Variants in SGCZ observed in about 807,000 individuals in gnomAD.
The protein encoded by SGCZ is sarcoglycan zeta.
Under a neutral mutation model 41.3 loss-of-function variants are expected in SGCZ, and 40 were observed. The observed-to-expected ratio is 0.97, with a 90% CI of 0.75 to 1.26. SGCZ has a LOEUF of 1.26. Ranked by LOEUF, SGCZ falls within the 50% of genes most tolerant of loss-of-function variation. The probability of loss-of-function intolerance (pLI) is 0.00; values close to 1 mark genes in which losing one functional copy is unlikely to be tolerated. For missense variants in SGCZ, 552 were observed against 369.8 expected, an observed-to-expected ratio of 1.49 and a Z score of -4.04; for synonymous variants, 206 against 137.5, an observed-to-expected ratio of 1.50 and a Z score of -3.49.
chr8:14,694,868 T>C (rs1043900321), intron 1 of SGCZ, among the ~76,000 whole-genome samples: 1 of 152,162 alleles, frequency 6.6e-6, no homozygotes, highest in African/African-American at 2.4e-5. Context: ...GTAGTTTGTG[T>C]CTTCAAAAAT....
intron 1 of SGCZ, among the ~76,000 whole-genome samples, chr8:15,122,481 T>A (rs539855140): frequency 1.3e-5 from 2 of 152,288 alleles, no homozygotes; most frequent in East Asian, 3.9e-4. Context: ...TAGGTCATCT[T>A]TCCAGGTACA....
intron 4 of SGCZ, among the ~76,000 whole-genome samples, chr8:14,182,533 C>T (rs1031077279): frequency 2.0e-5 from 3 of 152,154 alleles, no homozygotes; most frequent in Non-Finnish European, 4.4e-5. Context: ...CCAACTCATT[C>T]TTTGGTCTCT....
intron 1 of SGCZ, among the ~76,000 whole-genome samples, chr8:14,852,908 CAT>C (rs1235308889): frequency 6.6e-6 from 1 of 152,164 alleles, no homozygotes; most frequent in African/African-American, 2.4e-5. Flanking sequence ...CTCCTAAACA[CAT>C]ATGTTACTAT....
At chr8:14,211,062 C>T (rs559337278) in intron 4 of SGCZ, among the ~76,000 whole-genome samples, 1 of 152,194 alleles carries the variant, frequency 6.6e-6, no homozygotes, top group Admixed American at 6.5e-5. Flanking sequence ...TGCTAGTAAT[C>T]CATTTATCGT....
intron 7 of SGCZ, among the ~76,000 whole-genome samples, chr8:14,100,954 G>T (rs7007117): frequency 1.3e-5 from 2 of 151,650 alleles, no homozygotes; most frequent in African/African-American, 2.4e-5. Flanking sequence ...AAACACCTAG[G>T]GAATGTATTG....
chr8:14,232,300 G>C (rs1042336556), intron 4 of SGCZ, among the ~76,000 whole-genome samples: 1 of 151,948 alleles, frequency 6.6e-6, no homozygotes, highest in Non-Finnish European at 1.5e-5. Flanking sequence ...AAGAAGGCAA[G>C]CACCTCAGAT....
chr8:14,437,676 G>A (rs114483040), intron 2 of SGCZ, among the ~76,000 whole-genome samples: 4,862 of 151,640 alleles, frequency 0.032, 158 homozygotes, highest in African/African-American at 0.081. Context: ...CTTCAAAAGG[G>A]ACCTGAGACC....
At chr8:14,619,386 C>T (rs973533771) in intron 1 of SGCZ, among the ~76,000 whole-genome samples, 1 of 152,140 alleles carries the variant, frequency 6.6e-6, no homozygotes, top group African/African-American at 2.4e-5. Context: ...GCACAAGACA[C>T]GGATGCCCTC....
intron 1 of SGCZ, among the ~76,000 whole-genome samples, chr8:14,927,326 G>T (rs969036045): frequency 6.6e-6 from 1 of 151,638 alleles, no homozygotes; most frequent in Non-Finnish European, 1.5e-5. Flanking sequence ...AGCCAGGATG[G>T]TGTCGATTTC....
At chr8:14,527,222 A>C (rs1802978226) in intron 2 of SGCZ, among the ~76,000 whole-genome samples, 1 of 152,202 alleles carries the variant, frequency 6.6e-6, no homozygotes, top group African/African-American at 2.4e-5. Flanking sequence ...AGCTTCAGTA[A>C]ATATGAAATT....
At chr8:14,851,144 C>T (rs1222756561) in intron 1 of SGCZ, among the ~76,000 whole-genome samples, 7 of 151,878 alleles carry the variant, frequency 4.6e-5, no homozygotes, top group East Asian at 1.9e-4. Flanking sequence ...CCAAGGCGGG[C>T]GGATCACGAG....
chr8:14,225,471 A>T (rs1248895362), intron 4 of SGCZ, among the ~76,000 whole-genome samples: 1 of 141,004 alleles, frequency 7.1e-6, no homozygotes, highest in African/African-American at 2.4e-5. Context: ...TAGTGTTTTT[A>T]AAATACCCAG....
chr8:15,016,707 C>T (rs1276254910), intron 1 of SGCZ, among the ~76,000 whole-genome samples: 1 of 151,978 alleles, frequency 6.6e-6, no homozygotes, highest in Non-Finnish European at 1.5e-5. Context: ...ATTGCTATAA[C>T]GAGGTATCTG....
intron 1 of SGCZ, among the ~76,000 whole-genome samples, chr8:14,925,774 GGACA>G (rs1168972772): frequency 2.6e-5 from 4 of 152,034 alleles, no homozygotes; most frequent in Non-Finnish European, 5.9e-5. Context: ...GACAGGAAAA[GGACA>G]GACAATCAAT....
At chr8:14,869,373 C>T (rs1157431416) in intron 1 of SGCZ, among the ~76,000 whole-genome samples, 10 of 152,064 alleles carry the variant, frequency 6.6e-5, no homozygotes, top group Non-Finnish European at 1.0e-4. Flanking sequence ...AAAAATCCTT[C>T]GATGAAATTC....
At chr8:14,923,605 G>A (rs1215984337) in intron 1 of SGCZ, among the ~76,000 whole-genome samples, 1 of 152,068 alleles carries the variant, frequency 6.6e-6, no homozygotes, top group Non-Finnish European at 1.5e-5. Context: ...CTACTTCACT[G>A]CATAAGGTAA....
At chr8:14,237,254 C>T (rs1050693268) in intron 4 of SGCZ, among the ~76,000 whole-genome samples, 1 of 151,990 alleles carries the variant, frequency 6.6e-6, no homozygotes, top group Non-Finnish European at 1.5e-5. Flanking sequence ...AGAGTAATAA[C>T]TACTAAATAC....
chr8:15,064,471 G>C (rs1029407166), intron 1 of SGCZ, among the ~76,000 whole-genome samples: 3 of 147,982 alleles, frequency 2.0e-5, no homozygotes, highest in Non-Finnish European at 4.4e-5. Flanking sequence ...TCTGGACTTA[G>C]AGCTTCAACC....
chr8:15,192,406 G>C (rs1003951541), intron 1 of SGCZ, among the ~76,000 whole-genome samples: 4 of 151,992 alleles, frequency 2.6e-5, no homozygotes, highest in African/African-American at 9.7e-5. Flanking sequence ...ATAACAGTTT[G>C]TTTCGTTTTA....
Sources: allele counts gnomAD v4.1 joint callset (sites outside exome capture counted in the v4.1 genomes callset), GRCh38; gene constraint gnomAD v4.1.1; transcripts MANE v1.5; gene names NCBI Gene and HGNC (gene_info 2026-07-23, HGNC 2026-07-21).